Variants in TBC1D1 observed in about 807,000 individuals in gnomAD.
TBC1D1 encodes TBC1 (tre-2/USP6, BUB2, cdc16) domain family, member 1.
In TBC1D1, 89 loss-of-function variants were observed where a neutral mutation model predicts 125.6. That is an observed-to-expected ratio of 0.71 (90% confidence interval 0.60 to 0.85). TBC1D1 has a LOEUF of 0.85. Among genes scored for constraint, TBC1D1 ranks in the 40% least tolerant of loss-of-function variants. TBC1D1 has a pLI of 0.00. For missense variants in TBC1D1, 1,377 were observed against 1,469.2 expected (o/e 0.94, Z 1.03); for synonymous variants, 565 against 564.1 (o/e 1.00, Z -0.02).
At chr4:38,071,220 A>T (rs1754644056) in intron 12 of TBC1D1, among the ~76,000 whole-genome samples, 1 of 152,134 alleles carries the variant, frequency 6.6e-6, no homozygotes, top group African/African-American at 2.4e-5. Context: ...AAGCCTTGCC[A>T]TCCATGGTCA....
At position 37,992,477 on chromosome 4, in the gene TBC1D1, G is replaced by C. The variant is rs192416392; in HGVS notation, c.418-22032G>C. ...CTTGATGTGGATATTTTAAGGTCAA[G>C]GACTAGAAGTCTGGTGTTTTTTTTT... is the stretch of plus-strand genomic sequence containing the variant. On this transcript the variant is annotated intron_variant, in intron 2 of 19. Coordinates refer to ENST00000261439, the MANE Select transcript of TBC1D1 (RefSeq NM_015173.4). Among the ~76,000 whole-genome samples the C allele has an allele frequency of 5.9e-4, 89 of 151,404 alleles. 2 individuals are homozygous for C. In the East Asian group the frequency reaches 0.016, roughly 27 times the overall value.
intron 2 of TBC1D1, among the ~76,000 whole-genome samples, chr4:37,936,094 C>T (rs1338811811): frequency 2.6e-5 from 4 of 152,126 alleles, no homozygotes; most frequent in Admixed American, 1.3e-4. Context: ...CACAGATCAC[C>T]GCTTAGACGT....
intron 1 of TBC1D1, among the ~76,000 whole-genome samples, chr4:37,892,335 G>A (rs1713518464): frequency 1.3e-5 from 2 of 152,132 alleles, no homozygotes; most frequent in Non-Finnish European, 2.9e-5. Flanking sequence ...AGGATCACTT[G>A]AGCCCAGGAG....
At chr4:38,024,452 T>C (rs1171302257) in intron 6 of TBC1D1, among the ~76,000 whole-genome samples, 1 of 152,228 alleles carries the variant, frequency 6.6e-6, no homozygotes, top group African/African-American at 2.4e-5. Context: ...AAGTTACAGC[T>C]GAAAAGTTTG....
At chr4:38,127,580 C>T (rs567466649) in intron 18 of TBC1D1, among the ~76,000 whole-genome samples, 12 of 152,126 alleles carry the variant, frequency 7.9e-5, no homozygotes, top group Non-Finnish European at 1.3e-4. Flanking sequence ...GGTGGGGTTT[C>T]GCCATGTTGG....
chr4:38,021,831 C>T (rs749317219), intron 6 of TBC1D1, 113 bp downstream of exon 6: 106 of 1,220,622 alleles, frequency 8.7e-5, no homozygotes, highest in Non-Finnish European at 1.1e-4. Flanking sequence ...TTGTATTAGT[C>T]ACAGGGATTG....
At chr4:38,004,444 T>C (rs1258545380) in intron 2 of TBC1D1, among the ~76,000 whole-genome samples, 1 of 152,224 alleles carries the variant, frequency 6.6e-6, no homozygotes, top group Non-Finnish European at 1.5e-5. Context: ...GTCACACATT[T>C]ACCAAAATGC....
chr4:38,043,536 T>G (rs534806723), intron 8 of TBC1D1, among the ~76,000 whole-genome samples: 1 of 151,448 alleles, frequency 6.6e-6, no homozygotes, highest in Non-Finnish European at 1.5e-5. Context: ...TGAGCCATGA[T>G]TGTGGCCCTG....
At chr4:38,079,955 T>C (rs924373575) in intron 12 of TBC1D1, among the ~76,000 whole-genome samples, 1 of 152,252 alleles carries the variant, frequency 6.6e-6, no homozygotes, top group Admixed American at 6.5e-5. Context: ...CAACCTTTTG[T>C]GTGCATTAGA....
intron 15 of TBC1D1, chr4:38,111,869 A>C: frequency 1.1e-5 from 10 of 937,738 alleles, no homozygotes; most frequent in South Asian, 4.9e-5. Flanking sequence ...TGTCCTGCTT[A>C]ACCGCTAATC....
In TBC1D1 at chr4:38,049,622, C is replaced by T. The variant is rs776159696; in HGVS notation, c.1634C>T (p.Pro545Leu). The change falls in exon 11 of 20, where the codon CCA becomes CTA. Residue 545 changes from proline (P) to leucine (L), a missense_variant. By Grantham distance (98) the Pro-to-Leu change is moderately conservative. Coordinates refer to ENST00000261439, the MANE Select transcript of TBC1D1 (RefSeq NM_015173.4). ...CTGCTGTGTGTTTGCTCCCAGGAGC[C>T]ATCTGTGTGTGAAAAGGAGGCCTTG... The T allele has an allele frequency of 3.7e-5, 59 of 1,604,416 alleles. No homozygotes were observed. Among genetic ancestry groups the T allele is most frequent in the Non-Finnish European group, 4.8e-5 (56 of 1,173,918 alleles).
chr4:38,014,297 T>TC lies in TBC1D1; in HGVS notation c.418-207dup, dbSNP rs1332749885. Among the ~76,000 whole-genome samples the TC allele has an allele frequency of 1.3e-5, 2 of 152,030 alleles. No homozygotes were observed. Among genetic ancestry groups the TC allele is most frequent in the Non-Finnish European group, 2.9e-5 (2 of 67,998 alleles). On this transcript the variant is annotated intron_variant, in intron 2 of 19. Coordinates refer to ENST00000261439, the MANE Select transcript of TBC1D1 (RefSeq NM_015173.4). The surrounding 1 kb of genome is among the most constrained non-coding windows in gnomAD (Gnocchi z 5.1). ...GGTAAGAGGTGCTTCATAAGTGTCG[T>TC]CCCCCTTCTCTTTTCTGTGGAAGCT...
chr4:38,060,559 G>A (rs747848681), intron 12 of TBC1D1: 33 of 1,098,950 alleles, frequency 3.0e-5, no homozygotes, highest in Non-Finnish European at 3.9e-5. Flanking sequence ...AGACATATTT[G>A]CTCCTCTGAG....
intron 2 of TBC1D1, among the ~76,000 whole-genome samples, chr4:37,962,429 C>T (rs902437574): frequency 1.3e-5 from 2 of 152,240 alleles, no homozygotes; most frequent in African/African-American, 2.4e-5. Context: ...CTTAACCCTG[C>T]TTCCTCTGTT....
chr4:37,981,618 G>A (rs1195192702), intron 2 of TBC1D1, among the ~76,000 whole-genome samples: 1 of 152,154 alleles, frequency 6.6e-6, no homozygotes, highest in Non-Finnish European at 1.5e-5. Flanking sequence ...ACTGGTGAGA[G>A]GGCAGGAAAC....
intron 2 of TBC1D1, among the ~76,000 whole-genome samples, chr4:37,926,984 G>A (rs1464776758): frequency 6.6e-6 from 1 of 152,146 alleles, no homozygotes; most frequent in East Asian, 1.9e-4. Flanking sequence ...GGGCATGGTG[G>A]CGCATGCCTG....
chr4:37,967,889 T>A (rs2152341237), intron 2 of TBC1D1, among the ~76,000 whole-genome samples: 1 of 152,328 alleles, frequency 6.6e-6, no homozygotes, highest in Admixed American at 6.5e-5. Context: ...TTACAGTGTT[T>A]TCTTTTATGA....
chr4:37,942,273 T>G (rs916365167), intron 2 of TBC1D1, among the ~76,000 whole-genome samples: 13 of 152,202 alleles, frequency 8.5e-5, no homozygotes, highest in African/African-American at 2.9e-4. Context: ...TTTACCATTA[T>G]GTAATGGCCT....
At chr4:37,961,479 A>C (rs1165251619) in intron 2 of TBC1D1, among the ~76,000 whole-genome samples, 1 of 152,252 alleles carries the variant, frequency 6.6e-6, no homozygotes, top group Non-Finnish European at 1.5e-5. Context: ...ATATGGCTAA[A>C]TAATGTTCAT....
Sources: allele counts gnomAD v4.1 joint callset (sites outside exome capture counted in the v4.1 genomes callset), GRCh38; gene constraint gnomAD v4.1.1; non-coding constraint Gnocchi (gnomAD v3.1); transcripts MANE v1.5; gene names NCBI Gene and HGNC (gene_info 2026-07-23, HGNC 2026-07-21).